The following SMAD6 variants were observed in gnomAD, a reference collection of about 807,000 sequenced individuals.
SMAD6 encodes the protein SMAD family member 6, also known as MAD homolog 6.
SMAD6 carries 103 observed loss-of-function variants against 39.4 expected under a neutral mutation model. That is an observed-to-expected ratio of 2.62 (90% CI 2.23 to 3.08). The LOEUF is 3.08. Ranked by LOEUF, SMAD6 falls within the 30% of genes most tolerant of loss-of-function variation. The pLI, the probability that SMAD6 is intolerant of heterozygous loss-of-function variation, is 0.00. For synonymous variants in SMAD6, 445 were observed against 353.3 expected, an observed-to-expected ratio of 1.26 and a Z score of -2.91; for missense variants, 1,104 against 742.9, an observed-to-expected ratio of 1.49 and a Z score of -5.65.
chr15:66,722,293 C>A (rs1893448668), intron 3 of SMAD6, among the ~76,000 whole-genome samples: 3 of 152,148 alleles, frequency 2.0e-5, no homozygotes, highest in Admixed American at 2.0e-4. Flanking sequence ...GTGCTGTATG[C>A]AGAGTGGTTT....
chr15:66,703,411 G>A lies in SMAD6; in HGVS notation c.153G>A (p.Glu51=). ...CTGAGCCGGCCCCGCGGGCAAGAGA[G>A]GGCGGAGGCTGCGGCCGCTCCGAAG... ...SRAEPAPRAR[E]GGGCGRSEVR... The change falls in exon 1 of 4, where the codon GAG becomes GAA. Residue 51 remains glutamate, a synonymous_variant. Coordinates refer to ENST00000288840, the MANE Select transcript of SMAD6 (RefSeq NM_005585.5). 2.2e-6 allele frequency: 3 copies of A among 1,349,292 alleles called. No individual in the cohort carries two copies. Among genetic ancestry groups the A allele is most frequent in the Non-Finnish European group, 2.9e-6 (3 of 1,049,176 alleles). 83.6% of individuals were successfully genotyped at this position (1,349,292 alleles called of 1,614,324 possible).
intron 3 of SMAD6, among the ~76,000 whole-genome samples, chr15:66,731,064 G>A (rs901459010): frequency 6.6e-6 from 1 of 152,170 alleles, no homozygotes. Context: ...TTTTGTGGAA[G>A]TGTATTATTA....
At chr15:66,764,423 C>T (rs745986620) in intron 3 of SMAD6, among the ~76,000 whole-genome samples, 7 of 151,628 alleles carry the variant, frequency 4.6e-5, no homozygotes, top group Non-Finnish European at 7.4e-5. Context: ...GTGCTTTATC[C>T]GAAAGCCTCA....
intron 3 of SMAD6, among the ~76,000 whole-genome samples, chr15:66,762,035 C>T (rs943714091): frequency 6.6e-6 from 1 of 152,134 alleles, no homozygotes; most frequent in African/African-American, 2.4e-5. Context: ...TAGCCCTAGG[C>T]GACTGCTCAC....
At chr15:66,708,007 T>C (rs1893152675) in intron 1 of SMAD6, 1 of 152,324 alleles carries the variant, frequency 6.6e-6, no homozygotes, top group Non-Finnish European at 1.5e-5. Context: ...ACCAGAGGCA[T>C]GCCTGGGCTG....
At chr15:66,773,924 T>C (rs758116855) in intron 3 of SMAD6, among the ~76,000 whole-genome samples, 60 of 152,288 alleles carry the variant, frequency 3.9e-4, no homozygotes, top group South Asian at 2.1e-4. Flanking sequence ...CAGGCCCTTT[T>C]GGTCCAGCCC....
intron 3 of SMAD6, among the ~76,000 whole-genome samples, chr15:66,746,187 T>C (rs927972291): frequency 1.3e-5 from 2 of 152,204 alleles, no homozygotes; most frequent in African/African-American, 2.4e-5. Flanking sequence ...TCGTGATAAA[T>C]GCTAGACTTG....
At position 66,747,060 on chromosome 15, in the gene SMAD6, T is replaced by C. The variant is rs576251591; in HGVS notation, c.952+30562T>C. 1.3e-5 allele frequency among the ~76,000 whole-genome samples: 2 copies of C among 152,200 alleles called. No individual in the cohort carries two copies. The highest frequency in any genetic ancestry group is 4.8e-5 in the African/African-American group (2 of 41,464). On this transcript the variant is annotated intron_variant, in intron 3 of 3. Transcript: ENST00000288840. This position sits in a 1 kb window ranked among gnomAD's most constrained non-coding sequence, Gnocchi z 4.5. ...ATGTCAGTTCTTGCTAGAATAGCAC[T>C]AATACATAAATTTCTTCTGGCTTGA...
intron 3 of SMAD6, among the ~76,000 whole-genome samples, chr15:66,779,840 T>G (rs1227184006): frequency 1.3e-5 from 2 of 152,226 alleles, no homozygotes; most frequent in Non-Finnish European, 2.9e-5. Flanking sequence ...AGGCAAATCA[T>G]GTCACCTCAC....
At position 66,781,607 on chromosome 15, in the gene SMAD6, T is replaced by C. The variant is rs1894581030; in HGVS notation, c.*72T>C. On this transcript the variant is annotated 3_prime_UTR_variant, in exon 4 of 4. Coordinates refer to ENST00000288840, the MANE Select transcript of SMAD6 (RefSeq NM_005585.5). ...ACCTGCCGGCCTCGAGAGGGGCCGA[T>C]GCCCAGAGACACAGCCCCCACGGAC... The C allele has an allele frequency of 8.4e-7, 1 of 1,190,450 alleles. No individual in the cohort carries two copies. Among genetic ancestry groups the C allele is most frequent in the Non-Finnish European group, 1.1e-6 (1 of 879,892 alleles). The allele number at this position is 1,190,450 out of a possible 1,614,324, so 73.7% of individuals were successfully genotyped here.
chr15:66,763,046 AG>A (rs34170478), intron 3 of SMAD6, among the ~76,000 whole-genome samples: 2,178 of 152,302 alleles, frequency 0.014, 151 homozygotes, highest in Admixed American at 0.12. Flanking sequence ...GGGTACAGTC[AG>A]GGTCTTGCTG....
chr15:66,735,808 T>TAC (rs1190864158), intron 3 of SMAD6, among the ~76,000 whole-genome samples: 1 of 152,022 alleles, frequency 6.6e-6, no homozygotes, highest in Non-Finnish European at 1.5e-5. Context: ...CACACACACA[T>TAC]ACACACACCC....
At chr15:66,773,358 C>T (rs1200179991) in intron 3 of SMAD6, among the ~76,000 whole-genome samples, 1 of 152,166 alleles carries the variant, frequency 6.6e-6, no homozygotes, top group Non-Finnish European at 1.5e-5. Flanking sequence ...CTTTTACTGC[C>T]GGAGCCCGGT....
At chr15:66,738,967 G>A (rs1893765344) in intron 3 of SMAD6, among the ~76,000 whole-genome samples, 1 of 152,160 alleles carries the variant, frequency 6.6e-6, no homozygotes, top group South Asian at 2.1e-4. Context: ...GGACCCGGGT[G>A]TGGATCGTGC....
intron 3 of SMAD6, among the ~76,000 whole-genome samples, chr15:66,754,233 CA>C (rs1315059171): frequency 6.6e-6 from 1 of 152,178 alleles, no homozygotes; most frequent in Non-Finnish European, 1.5e-5. Context: ...AAATTAAAGC[CA>C]GGGGTCAAGC....
At chr15:66,763,826 C>G (rs148643659) in intron 3 of SMAD6, among the ~76,000 whole-genome samples, 1 of 152,346 alleles carries the variant, frequency 6.6e-6, no homozygotes, top group South Asian at 2.1e-4. Context: ...TGGAAAAGCC[C>G]GAGTTGGCAG....
intron 1 of SMAD6, chr15:66,705,586 G>T (rs1197723901): frequency 2.0e-5 from 3 of 151,500 alleles, no homozygotes; most frequent in African/African-American, 4.9e-5. Flanking sequence ...TTTAAAGTAG[G>T]TCCCTTCCAC....
chr15:66,709,363 C>T (rs1405936834), intron 1 of SMAD6, among the ~76,000 whole-genome samples: 1 of 152,222 alleles, frequency 6.6e-6, no homozygotes, highest in Admixed American at 6.5e-5. Context: ...GAACTCCCAA[C>T]TCAGCTATGG....
At position 66,751,657 on chromosome 15, in the gene SMAD6, G is replaced by A. The variant is rs530886025; in HGVS notation, c.953-29340G>A. 1.1e-3 allele frequency among the ~76,000 whole-genome samples: 163 copies of A among 152,348 alleles called. 1 individual carries two copies. The highest frequency in any genetic ancestry group is 1.5e-3 in the Non-Finnish European group (104 of 68,026). On this transcript the variant is annotated intron_variant, in intron 3 of 3. Coordinates refer to ENST00000288840, the MANE Select transcript of SMAD6 (RefSeq NM_005585.5). ...GCCAGTGGTGGGGAGGAGGTGACTGGCCATGCTCTGGCTGTGGCCCTCACC... is the reference window on the plus strand; with the variant it reads ...GCCAGTGGTGGGGAGGAGGTGACTGACCATGCTCTGGCTGTGGCCCTCACC...
Sources: allele counts gnomAD v4.1 joint callset (sites outside exome capture counted in the v4.1 genomes callset), GRCh38; gene constraint gnomAD v4.1.1; non-coding constraint Gnocchi (gnomAD v3.1); transcripts MANE v1.5; gene names NCBI Gene and HGNC (gene_info 2026-07-23, HGNC 2026-07-21).